Variants in CADPS observed in about 807,000 individuals in gnomAD.
CADPS encodes calcium-dependent secretion activator 1.
In CADPS, 57 loss-of-function variants were observed where a neutral mutation model predicts 167.3. That is an observed-to-expected ratio of 0.34 (90% CI 0.28 to 0.42). The LOEUF is 0.42. CADPS is among the 20% of genes least tolerant of loss of function. CADPS has a pLI of 1.00. For missense variants in CADPS, 1,414 were observed against 1,738.1 expected, an observed-to-expected ratio of 0.81 and a Z score of 3.32; for synonymous variants, 676 against 635.3, an observed-to-expected ratio of 1.06 and a Z score of -0.96.
chr3:62,461,609 C>T (rs1345766835), intron 26 of CADPS, among the ~76,000 whole-genome samples: 1 of 152,224 alleles, frequency 6.6e-6, no homozygotes, highest in Non-Finnish European at 1.5e-5. Context: ...TTCCTGCCTC[C>T]TGGCTAATGC....
Position 62,481,800 on chromosome 3 carries a change from T to G in CADPS, c.3096A>C (p.Pro1032=), listed in dbSNP as rs767055368. The change falls in exon 22 of 30, where the codon CCA becomes CCC. Residue 1032 remains proline (P), a synonymous_variant. Transcript: ENST00000383710. ...NVNLPKVPNL[P]VNIPLGIPQM... Reference sequence around the variant, plus strand: ...GTGGGATGCCTAGAGGGATGTTAACTGGTAGATTTGGTACTTTGGGAAGGT... The same window carrying G: ...GTGGGATGCCTAGAGGGATGTTAACGGGTAGATTTGGTACTTTGGGAAGGT... 4 of 1,611,950 alleles carry G rather than the reference T, an allele frequency of 2.5e-6. 1 individual carries two copies. The South Asian group carries it at 4.4e-5, about 18-fold the overall frequency.
chr3:62,827,385 T>C (rs1396069649), intron 1 of CADPS, among the ~76,000 whole-genome samples: 1 of 152,196 alleles, frequency 6.6e-6, no homozygotes, highest in African/African-American at 2.4e-5. Flanking sequence ...ACACTCACTA[T>C]GCCAAAGACT....
At chr3:62,831,091 G>A (rs938026933) in intron 1 of CADPS, among the ~76,000 whole-genome samples, 70 of 152,260 alleles carry the variant, frequency 4.6e-4, no homozygotes, top group African/African-American at 1.7e-3. Flanking sequence ...AAGGGGAGGA[G>A]TGCATGGACC....
rs573785954 is a variant in CADPS, at chr3:62,819,373, T to TG, written c.442-53390dup. ...CACAACATGTTGGAAGACCAAATTT[T>TG]GGGGTAAGGTTTAAAGCAATGACAA... is the stretch of plus-strand genomic sequence containing the variant. On this transcript the variant is annotated intron_variant, in intron 1 of 29. Transcript: ENST00000383710. Among the ~76,000 whole-genome samples, 50 of 151,480 alleles carry TG rather than the reference T, an allele frequency of 3.3e-4. No homozygotes were observed. In the East Asian group the frequency reaches 8.8e-3, roughly 27 times the overall value.
rs74635690 is a variant in CADPS at position 62,873,102 on chromosome 3, G to A, written c.441+1487C>T. Among the ~76,000 whole-genome samples, 449 of 152,294 alleles carry A rather than the reference G, an allele frequency of 2.9e-3. 1 individual carries two copies. The highest frequency in any genetic ancestry group is 5.7e-3 in the Admixed American group (87 of 15,302). On this transcript the variant is annotated intron_variant, in intron 1 of 29. Coordinates refer to ENST00000383710, the MANE Select transcript of CADPS (RefSeq NM_003716.4). ...AAAACAAGGGGCCACAGATAAAGAT[G>A]GAGAGTCTTGTGTGTAACCCACCTC...
At position 62,691,389 on chromosome 3, in the gene CADPS, G is replaced by T. The variant is rs144546991; in HGVS notation, c.889-28995C>A. ...GTTACAAATGCATCATTCTGTTGGG[G>T]GATGTTGGTAGTAGGGGAGGCTGTG... On this transcript the variant is annotated intron_variant, in intron 3 of 29. Transcript: ENST00000383710. Among the ~76,000 whole-genome samples, 92 of 152,106 alleles carry T rather than the reference G, an allele frequency of 6.0e-4. 1 individual carries two copies. In the East Asian group the frequency reaches 0.017, roughly 28 times the overall value.
chr3:62,549,537 C>A (rs1308058163), intron 11 of CADPS, among the ~76,000 whole-genome samples: 1 of 146,002 alleles, frequency 6.8e-6, no homozygotes, highest in East Asian at 2.1e-4. Flanking sequence ...TTCAAATCAA[C>A]CCTATTTTTA....
At chr3:62,775,718 CTCAA>C (rs1197257874) in intron 1 of CADPS, among the ~76,000 whole-genome samples, 6 of 152,144 alleles carry the variant, frequency 3.9e-5, no homozygotes, top group Non-Finnish European at 8.8e-5. Context: ...AAGTTGGCAA[CTCAA>C]TCAGACAAGT....
In CADPS at chr3:62,536,136, C is replaced by T. The variant is rs1460537100; in HGVS notation, c.2103+309G>A. Reference sequence around the variant, plus strand: ...CTCTAAGCTACTGAGGCAATTTTTACAAGTTCTCCACAAGCAGGTGCCAAA... The same window carrying T: ...CTCTAAGCTACTGAGGCAATTTTTATAAGTTCTCCACAAGCAGGTGCCAAA... On this transcript the variant is annotated intron_variant, in intron 12 of 29. Coordinates refer to ENST00000383710, the MANE Select transcript of CADPS (RefSeq NM_003716.4). 1.6e-5 allele frequency: 4 copies of T among 244,882 alleles called. No individual in the cohort carries two copies. In the East Asian group the frequency reaches 3.1e-4, roughly 19 times the overall value. 15.2% of individuals were successfully genotyped at this position (244,882 alleles called of 1,614,324 possible).
chr3:62,475,916 G>A (rs1012263735), intron 23 of CADPS, among the ~76,000 whole-genome samples: 2 of 152,148 alleles, frequency 1.3e-5, no homozygotes, highest in African/African-American at 4.8e-5. Flanking sequence ...GTTTTCACAG[G>A]AGAACTGTTC....
intron 3 of CADPS, among the ~76,000 whole-genome samples, chr3:62,706,713 T>C (rs2082370811): frequency 6.6e-6 from 1 of 152,144 alleles, no homozygotes; most frequent in African/African-American, 2.4e-5. Flanking sequence ...GATTTCTCTG[T>C]GTGTCTGTAT....
intron 3 of CADPS, among the ~76,000 whole-genome samples, chr3:62,675,710 C>A (rs1325421951): frequency 6.6e-6 from 1 of 152,012 alleles, no homozygotes; most frequent in Non-Finnish European, 1.5e-5. Flanking sequence ...AAGTTCCCAG[C>A]CTGAGAAACA....
chr3:62,579,146 A>T lies in CADPS; in HGVS notation c.1577+6039T>A, dbSNP rs867930777. On this transcript the variant is annotated intron_variant, in intron 8 of 29. Transcript: ENST00000383710. ...TTGGTGGACTGTGGTTCATTGAATG[A>T]ATTAAATGTGGAGTCATGAGGAGCT... 3.1e-4 allele frequency among the ~76,000 whole-genome samples: 47 copies of T among 152,314 alleles called. 1 individual carries two copies. The highest frequency in any genetic ancestry group is 1.1e-3 in the African/African-American group (47 of 41,566).
chr3:62,805,913 C>G (rs1330642254), intron 1 of CADPS, among the ~76,000 whole-genome samples: 2 of 152,162 alleles, frequency 1.3e-5, no homozygotes, highest in Non-Finnish European at 2.9e-5. Flanking sequence ...AGTGGCCTGT[C>G]TTTTGTGCCC....
At position 62,753,434 on chromosome 3, in the gene CADPS, A is replaced by G; in HGVS notation, c.888+7T>C. ...ACAGCTCTAGGCCCAGGCGAGAAAC[A>G]CCTTACCTGGCAGGCATTGTAAAGG... is the stretch of plus-strand genomic sequence containing the variant. On this transcript the variant is annotated splice_region_variant and intron_variant, in intron 3 of 29. Transcript: ENST00000383710. The surrounding 1 kb of genome is among the most constrained non-coding windows in gnomAD (Gnocchi z 4.6). 1 of 1,600,812 alleles carries G rather than the reference A, an allele frequency of 6.2e-7. No individual in the cohort carries two copies. Among genetic ancestry groups the G allele is most frequent in the Non-Finnish European group, 8.5e-7 (1 of 1,170,574 alleles).
intron 1 of CADPS, among the ~76,000 whole-genome samples, chr3:62,780,830 T>C (rs770934413): frequency 3.3e-5 from 5 of 152,230 alleles, no homozygotes; most frequent in Non-Finnish European, 7.3e-5. Flanking sequence ...CATTAATCAG[T>C]TAAATAAATC....
intron 6 of CADPS, among the ~76,000 whole-genome samples, chr3:62,597,313 C>G (rs2059073062): frequency 6.6e-6 from 1 of 152,138 alleles, no homozygotes; most frequent in African/African-American, 2.4e-5. Flanking sequence ...CGCCACTGTA[C>G]TCCAGCTTGG....
intron 6 of CADPS, among the ~76,000 whole-genome samples, chr3:62,619,649 G>A (rs1057086896): frequency 3.3e-5 from 5 of 152,118 alleles, no homozygotes; most frequent in Non-Finnish European, 7.4e-5. Flanking sequence ...AGAGACAATA[G>A]CAATCAGGAA....
chr3:62,788,096 A>G (rs2092624581), intron 1 of CADPS, among the ~76,000 whole-genome samples: 1 of 152,200 alleles, frequency 6.6e-6, no homozygotes, highest in Admixed American at 6.5e-5. Context: ...ACTAGGTCAG[A>G]TGTCCCTCAA....
Sources: gnomAD v4.1 joint callset for allele counts (sites outside exome capture counted in the v4.1 genomes callset) on GRCh38, gnomAD v4.1.1 for gene constraint, Gnocchi (gnomAD v3.1) non-coding constraint, MANE v1.5 for transcripts, NCBI Gene and HGNC (gene_info 2026-07-23, HGNC 2026-07-21) for gene names.